The following TRPM3 variants were observed in gnomAD, a reference collection of about 807,000 sequenced individuals.
The protein encoded by TRPM3 is transient receptor potential cation channel subfamily M member 3.
In TRPM3, 77 loss-of-function variants were observed where a neutral mutation model predicts 181.2. The observed-to-expected ratio is 0.42, with a 90% CI of 0.35 to 0.51. The LOEUF is 0.51. Among genes scored for constraint, TRPM3 ranks in the 20% least tolerant of loss-of-function variants. TRPM3 has a pLI of 0.01. For synonymous variants in TRPM3, 745 were observed against 796.4 expected (o/e 0.94, Z 1.09); for missense variants, 1,759 against 2,196.7 (o/e 0.80, Z 3.98).
intron 25 of TRPM3, among the ~76,000 whole-genome samples, chr9:70,542,944 C>T (rs2043856998): frequency 6.6e-6 from 1 of 152,054 alleles, no homozygotes; most frequent in South Asian, 2.1e-4. Context: ...GGTCACCTAC[C>T]CTTCCCTTTG....
chr9:71,420,739 GAGAGAGAA>G (rs1565557152), intron 1 of TRPM3, among the ~76,000 whole-genome samples: 3 of 91,084 alleles, frequency 3.3e-5, no homozygotes, highest in East Asian at 2.4e-4. Context: ...GAGAGAGAAA[GAGAGAGAA>G]AGAGAGAGAA....
intron 1 of TRPM3, among the ~76,000 whole-genome samples, chr9:70,947,198 T>A (rs1276015591): frequency 1.3e-5 from 2 of 152,206 alleles, no homozygotes; most frequent in Non-Finnish European, 2.9e-5. Context: ...TTCCACTTTA[T>A]CTTTTTCATT....
At chr9:71,368,732 G>A (rs575449181) in intron 1 of TRPM3, among the ~76,000 whole-genome samples, 44 of 152,158 alleles carry the variant, frequency 2.9e-4, no homozygotes, top group Non-Finnish European at 4.7e-4. Context: ...GCTTTGGTTC[G>A]TTTAAAAAAG....
At chr9:70,937,819 G>T (rs190822927) in intron 1 of TRPM3, among the ~76,000 whole-genome samples, 1 of 147,254 alleles carries the variant, frequency 6.8e-6, no homozygotes. Context: ...TCCTGGAGGT[G>T]CTGCAGAAGT....
At chr9:70,803,461 T>TTTTGTTTTTG (rs1186618309) in intron 6 of TRPM3, among the ~76,000 whole-genome samples, 1 of 149,284 alleles carries the variant, frequency 6.7e-6, no homozygotes, top group African/African-American at 2.5e-5. Flanking sequence ...GTTTTTTTTT[T>TTTTGTTTTTG]TTTTTTTTGA....
At chr9:70,812,787 C>G (rs1238159815) in intron 6 of TRPM3, among the ~76,000 whole-genome samples, 1 of 151,622 alleles carries the variant, frequency 6.6e-6, no homozygotes, top group East Asian at 1.9e-4. Flanking sequence ...TTATCAAACT[C>G]TAATGAAAAA....
rs2091203982 is a variant in TRPM3, at chr9:71,344,962, C to T, written c.183+101691G>A. The stretch of plus-strand genomic sequence containing the variant: ...TGAACAGACATTGCTCAAGAGAAGA[C>T]ATTTATGTGGCCAACAAACATGAAA... On this transcript the variant is annotated intron_variant, in intron 1 of 24. Transcript: ENST00000357533. Among the ~76,000 whole-genome samples, 3 of 152,126 alleles carry T rather than the reference C, an allele frequency of 2.0e-5. No homozygotes were observed. In the South Asian group the frequency reaches 6.2e-4, roughly 31 times the overall value.
At chr9:71,287,802 T>A (rs1052287126) in intron 1 of TRPM3, among the ~76,000 whole-genome samples, 21 of 152,266 alleles carry the variant, frequency 1.4e-4, no homozygotes, top group African/African-American at 4.3e-4. Flanking sequence ...AAATGGTAAT[T>A]AGAGAGGCTA....
intron 14 of TRPM3, among the ~76,000 whole-genome samples, chr9:70,622,148 A>T (rs1298934501): frequency 3.3e-5 from 5 of 152,148 alleles, no homozygotes; most frequent in African/African-American, 4.8e-5. Flanking sequence ...CTTCTACTGG[A>T]TGAGGACACA....
At chr9:71,161,675 T>C (rs1372656833) in intron 1 of TRPM3, among the ~76,000 whole-genome samples, 1 of 152,078 alleles carries the variant, frequency 6.6e-6, no homozygotes, top group Non-Finnish European at 1.5e-5. Context: ...AAGGAAACAG[T>C]GAATAGGAGT....
intron 1 of TRPM3, among the ~76,000 whole-genome samples, chr9:70,997,941 A>G (rs2097557065): frequency 6.6e-6 from 1 of 151,988 alleles, no homozygotes; most frequent in African/African-American, 2.4e-5. Flanking sequence ...AAGATCACTC[A>G]AAGCCTCACA....
intron 1 of TRPM3, among the ~76,000 whole-genome samples, chr9:70,987,732 C>CT (rs1226280776): frequency 2.0e-5 from 3 of 152,046 alleles, no homozygotes; most frequent in East Asian, 3.9e-4. Flanking sequence ...AGTAGTACTG[C>CT]TGCACACCAG....
intron 1 of TRPM3, among the ~76,000 whole-genome samples, chr9:71,267,470 A>G (rs1323087795): frequency 6.6e-6 from 1 of 152,138 alleles, no homozygotes; most frequent in Non-Finnish European, 1.5e-5. Flanking sequence ...TACATGGCTA[A>G]ATAAATGGGT....
intron 1 of TRPM3, among the ~76,000 whole-genome samples, chr9:71,055,723 T>C (rs2060585813): frequency 6.6e-6 from 1 of 152,074 alleles, no homozygotes; most frequent in African/African-American, 2.4e-5. Context: ...CAATATTATA[T>C]GTGCCAGGGT....
chr9:71,079,124 T>C (rs893811921), intron 1 of TRPM3, among the ~76,000 whole-genome samples: 2 of 152,222 alleles, frequency 1.3e-5, no homozygotes, highest in African/African-American at 4.8e-5. Context: ...GCTGTTGCGT[T>C]GAAGATTGTT....
chr9:70,562,330 G>A (rs1256011064), intron 22 of TRPM3, among the ~76,000 whole-genome samples: 2 of 152,120 alleles, frequency 1.3e-5, no homozygotes, highest in African/African-American at 2.4e-5. Context: ...TCTATCCCAG[G>A]AGCCAACTGT....
intron 8 of TRPM3, among the ~76,000 whole-genome samples, chr9:70,758,735 A>T (rs1358435296): frequency 1.3e-5 from 2 of 152,246 alleles, no homozygotes; most frequent in Non-Finnish European, 2.9e-5. Context: ...TGGGGAAAGG[A>T]TTCCCTATTT....
At chr9:71,050,316 G>A (rs1387791459) in intron 1 of TRPM3, among the ~76,000 whole-genome samples, 20 of 151,622 alleles carry the variant, frequency 1.3e-4, no homozygotes, top group African/African-American at 7.3e-5. Flanking sequence ...GTAGATCTCC[G>A]ATACACCTTG....
At chr9:70,827,221 C>G (rs572669612) in intron 6 of TRPM3, 2 of 152,218 alleles carry the variant, frequency 1.3e-5, no homozygotes, top group African/African-American at 4.8e-5. Context: ...TGTTCAATTT[C>G]TTTGAAATGC....
Sources: gnomAD v4.1 joint callset for allele counts (sites outside exome capture counted in the v4.1 genomes callset) on GRCh38, gnomAD v4.1.1 for gene constraint, MANE v1.5 for transcripts, NCBI Gene and HGNC (gene_info 2026-07-23, HGNC 2026-07-21) for gene names.